Variants in COL4A2 observed in about 807,000 individuals in gnomAD.
The protein encoded by COL4A2 is collagen alpha-2(IV) chain.
A neutral mutation model predicts 200.2 loss-of-function variants in COL4A2; 99 were observed. The ratio of observed to expected loss-of-function variants is 0.49; its 90% confidence interval spans 0.42 to 0.58. The LOEUF is 0.58. Ranked by LOEUF, COL4A2 falls within the 20% of genes least tolerant of loss-of-function variation. The probability of loss-of-function intolerance (pLI) is 0.00; values close to 1 mark genes in which losing one functional copy is unlikely to be tolerated. For synonymous variants in COL4A2, 897 were observed against 900.6 expected (o/e 1.00, Z 0.07); for missense variants, 1,950 against 2,314.1 (o/e 0.84, Z 3.23).
At chr13:110,436,493 C>T in intron 13 of COL4A2, 126 bp downstream of exon 13, 2 of 1,272,952 alleles carry the variant, frequency 1.6e-6, no homozygotes, top group South Asian at 1.8e-5. Flanking sequence ...GCACATTACC[C>T]ATGAAAACAT....
intron 3 of COL4A2, among the ~76,000 whole-genome samples, chr13:110,345,880 T>C (rs958707027): frequency 5.9e-5 from 9 of 152,188 alleles, no homozygotes; most frequent in African/African-American, 2.2e-4. Context: ...TGTGTACCTG[T>C]GCACAGGGGG....
chr13:110,333,075 A>T (rs557713320), intron 3 of COL4A2, among the ~76,000 whole-genome samples: 6 of 152,324 alleles, frequency 3.9e-5, no homozygotes, highest in Admixed American at 3.9e-4. Context: ...CAGCCCCATC[A>T]TCCTAAGGAG....
intron 3 of COL4A2, among the ~76,000 whole-genome samples, chr13:110,325,852 C>T (rs771016673): frequency 3.3e-5 from 5 of 151,760 alleles, no homozygotes; most frequent in Non-Finnish European, 5.9e-5. Flanking sequence ...GTTGAGATCT[C>T]AGCTCACTGA....
At chr13:110,504,344 A>G in intron 45 of COL4A2, 80 bp downstream of exon 45, 1 of 1,237,622 alleles carries the variant, frequency 8.1e-7, no homozygotes, top group Non-Finnish European at 1.2e-6. Flanking sequence ...CAGGAAGGGG[A>G]CACACGAGAG....
At chr13:110,442,087 CAAAAAAAAA>C (rs10530153) in intron 16 of COL4A2, among the ~76,000 whole-genome samples, 4 of 47,626 alleles carry the variant, frequency 8.4e-5, no homozygotes, top group African/African-American at 1.1e-4. Context: ...CTCTCTGTCT[CAAAAAAAAA>C]AAAAAAAAAA....
In COL4A2 at chr13:110,393,584, GA is replaced by G. The variant is rs922447524; in HGVS notation, c.181-31138del. Among the ~76,000 whole-genome samples, 304 of 140,544 alleles carry G rather than the reference GA, an allele frequency of 2.2e-3. 1 individual carries two copies. Among genetic ancestry groups the G allele is most frequent in the East Asian group, 2.9e-3 (14 of 4,892 alleles). 92.2% of individuals were successfully genotyped at this position (140,544 alleles called of 152,430 possible). A position where few individuals can be genotyped will look rare whatever the true frequency, so the allele number is the denominator to read the frequency against. ...TTAAGAGAATCCCACTATAAAGAGG[GA>G]AAAAAAAAAAAGGCCAGGCCCGGTG... On this transcript the variant is annotated intron_variant, in intron 4 of 47. Transcript: ENST00000360467.
intron 3 of COL4A2, among the ~76,000 whole-genome samples, chr13:110,317,114 CAT>C (rs1387865335): frequency 1.3e-5 from 2 of 151,344 alleles, no homozygotes; most frequent in Non-Finnish European, 2.9e-5. Context: ...CACACATGCA[CAT>C]ATAGACACAC....
chr13:110,406,190 C>G (rs1349123146), intron 4 of COL4A2, among the ~76,000 whole-genome samples: 1 of 152,194 alleles, frequency 6.6e-6, no homozygotes. Context: ...AGTAAAGTGT[C>G]GTTCATAACC....
chr13:110,397,976 C>T (rs890067775), intron 4 of COL4A2, among the ~76,000 whole-genome samples: 2 of 152,138 alleles, frequency 1.3e-5, no homozygotes, highest in African/African-American at 4.8e-5. Context: ...GTCATCTCTG[C>T]TGGGAAAACT....
At position 110,501,722 on chromosome 13, in the gene COL4A2, C is replaced by A; in HGVS notation, c.3815C>A (p.Pro1272His). ...PGLQGFPGIT[P>H]PSNISGAPGD... ...CTTCAGGGGTTCCCTGGTATCACAC[C>A]CCCTTCCAACATCTCTGGGGCACCT... is the stretch of plus-strand genomic sequence containing the variant. The change falls in exon 41 of 48, where the codon CCC becomes CAC. Residue 1272 changes from proline (P) to histidine (H), a missense_variant. Physicochemically the swap from Pro to His is moderately conservative, Grantham distance 77. Around this residue, in one of 2 missense-constraint regions of COL4A2, gnomAD observed 1,385 missense variants for 1,720.5 expected, o/e 0.80. Transcript: ENST00000360467. 4 of 1,613,808 alleles carry A rather than the reference C, an allele frequency of 2.5e-6. No individual in the cohort carries two copies. The highest frequency in any genetic ancestry group is 2.5e-6 in the Non-Finnish European group (3 of 1,179,790).
In COL4A2 at chr13:110,436,296, G is replaced by C; in HGVS notation, c.754G>C (p.Gly252Arg). ...KGDVGQPGPNGIPSDTLHPII... is the reference protein window; with the variant it reads ...KGDVGQPGPNRIPSDTLHPII... ...TGACGTAGGGCAGCCGGGACCCAAC[G>C]GGATTCCATCAGACACCCTCCACCC... The change falls in exon 13 of 48, where the codon GGG becomes CGG. Residue 252 changes from glycine (G) to arginine (R), a missense_variant. Coordinates refer to ENST00000360467, the MANE Select transcript of COL4A2 (RefSeq NM_001846.4). 6.2e-7 allele frequency: 1 copy of C among 1,613,758 alleles called. No individual in the cohort carries two copies. Among genetic ancestry groups the C allele is most frequent in the East Asian group, 2.2e-5 (1 of 44,870 alleles).
chr13:110,365,322 G>A (rs1433271195), intron 4 of COL4A2, among the ~76,000 whole-genome samples: 7 of 152,032 alleles, frequency 4.6e-5, no homozygotes. Context: ...TGTATTTTTA[G>A]TAGAGATGGG....
intron 3 of COL4A2, 23 bp downstream of exon 3, chr13:110,308,146 G>A (rs1884853437): frequency 1.2e-6 from 2 of 1,612,734 alleles, no homozygotes; most frequent in Non-Finnish European, 8.5e-7. Context: ...TCCCGCGCTT[G>A]GACTTGCGCG....
At chr13:110,354,428 T>C (rs540150814) in intron 3 of COL4A2, among the ~76,000 whole-genome samples, 2 of 152,304 alleles carry the variant, frequency 1.3e-5, no homozygotes, top group Non-Finnish European at 2.9e-5. Flanking sequence ...CAGATAAACA[T>C]TGGAGCCATT....
At chr13:110,388,057 A>C (rs1878832815) in intron 4 of COL4A2, among the ~76,000 whole-genome samples, 1 of 152,228 alleles carries the variant, frequency 6.6e-6, no homozygotes, top group South Asian at 2.1e-4. Context: ...TATGTTAAGA[A>C]GACTTGACAG....
At position 110,446,847 on chromosome 13, in the gene COL4A2, A is replaced by C; in HGVS notation, c.1061A>C (p.His354Pro). The C allele has an allele frequency of 6.2e-7, 1 of 1,612,046 alleles. No homozygotes were observed. Among genetic ancestry groups the C allele is most frequent in the Non-Finnish European group, 8.5e-7 (1 of 1,178,334 alleles). ...CCTGGACTACCTGCCTACTCCCCTC[A>C]CCCTTCCCTAGCAAAAGGTGTGTGA... ...GPPGLPAYSP[H>P]PSLAKGARGD... Residue 354 changes from histidine (H) to proline (P), a missense_variant, in exon 18 of 48, where the codon CAC becomes CCC. This residue lies in a region of COL4A2 where 565 missense variants were observed against 593.5 expected (regional missense o/e 0.95). Coordinates refer to ENST00000360467, the MANE Select transcript of COL4A2 (RefSeq NM_001846.4).
chr13:110,459,061 G>A, intron 22 of COL4A2, 127 bp downstream of exon 22: 2 of 949,718 alleles, frequency 2.1e-6, no homozygotes, highest in Non-Finnish European at 1.5e-6. Context: ...CCAAGGCATG[G>A]CTAAACCATT....
intron 32 of COL4A2, among the ~76,000 whole-genome samples, chr13:110,483,068 G>A (rs1051333601): frequency 8.5e-5 from 13 of 152,182 alleles, no homozygotes; most frequent in Non-Finnish European, 1.3e-4. Context: ...GACATAACAC[G>A]GTGCCAGAGA....
intron 4 of COL4A2, among the ~76,000 whole-genome samples, chr13:110,386,046 G>A (rs1311075551): frequency 6.6e-6 from 1 of 152,048 alleles, no homozygotes; most frequent in Admixed American, 6.5e-5. Context: ...TGGATAGACC[G>A]TGGTTACGTT....
Sources: gnomAD v4.1 joint callset for allele counts (sites outside exome capture counted in the v4.1 genomes callset) on GRCh38, gnomAD v4.1.1 for gene constraint, gnomAD v4.1.1 regional missense constraint, MANE v1.5 for transcripts, NCBI Gene and HGNC (gene_info 2026-07-23, HGNC 2026-07-21) for gene names.